The following SBF2 variants were observed in gnomAD, a reference collection of about 807,000 sequenced individuals.
SBF2 encodes the protein SET binding factor 2, also known as myotubularin-related protein 13.
Under a neutral mutation model 225.2 loss-of-function variants are expected in SBF2, and 112 were observed. The observed-to-expected ratio is 0.50, with a 90% CI of 0.43 to 0.58. The LOEUF (loss-of-function observed/expected upper bound fraction) is 0.58. Ranked by LOEUF, SBF2 falls within the 20% of genes least tolerant of loss-of-function variation. SBF2 has a pLI of 0.00. For synonymous variants in SBF2, 763 were observed against 773.3 expected (o/e 0.99, Z 0.22); for missense variants, 1,996 against 2,206.2 (o/e 0.90, Z 1.91).
chr11:9,952,914 C>T (rs898938454), intron 16 of SBF2, among the ~76,000 whole-genome samples: 1 of 152,092 alleles, frequency 6.6e-6, no homozygotes, highest in Non-Finnish European at 1.5e-5. Flanking sequence ...GAACAGGGAA[C>T]ACTTCTACAC....
chr11:10,188,577 C>A (rs16907564), intron 2 of SBF2, among the ~76,000 whole-genome samples: 14,473 of 152,118 alleles, frequency 0.095, 943 homozygotes, highest in East Asian at 0.29. Context: ...GATGCACTGA[C>A]AAAATAAGCA....
At chr11:9,927,940 T>C (rs1051350115) in intron 16 of SBF2, among the ~76,000 whole-genome samples, 1 of 152,184 alleles carries the variant, frequency 6.6e-6, no homozygotes. Context: ...TCCCATACCT[T>C]ATACCAAATT....
intron 3 of SBF2, among the ~76,000 whole-genome samples, chr11:10,039,900 A>C (rs1331290125): frequency 1.3e-5 from 2 of 151,958 alleles, no homozygotes; most frequent in Non-Finnish European, 2.9e-5. Flanking sequence ...CATTAAAATA[A>C]TAAAAACCAT....
intron 16 of SBF2, among the ~76,000 whole-genome samples, chr11:9,922,464 T>C (rs538562463): frequency 3.9e-5 from 6 of 152,334 alleles, no homozygotes; most frequent in African/African-American, 1.4e-4. Context: ...TTTACACATA[T>C]CTGCAATAAA....
chr11:9,857,082 C>T (rs530013770), intron 18 of SBF2, among the ~76,000 whole-genome samples: 4 of 152,270 alleles, frequency 2.6e-5, no homozygotes, highest in East Asian at 3.9e-4. Flanking sequence ...CAACCGCGCC[C>T]GGCCTAACAT....
chr11:9,789,998 GA>G (rs1425204403), intron 34 of SBF2, among the ~76,000 whole-genome samples: 2 of 152,342 alleles, frequency 1.3e-5, no homozygotes, highest in Non-Finnish European at 2.9e-5. Flanking sequence ...AGGGTTCTAT[GA>G]TTGGGGCCCA....
At chr11:10,165,253 T>C (rs1202609312) in intron 2 of SBF2, 1 of 152,254 alleles carries the variant, frequency 6.6e-6, no homozygotes, top group Non-Finnish European at 1.5e-5. Flanking sequence ...TCCAAAGCGC[T>C]AAGGTGATGT....
At chr11:9,931,045 TG>T (rs1218604084) in intron 16 of SBF2, among the ~76,000 whole-genome samples, 2 of 152,198 alleles carry the variant, frequency 1.3e-5, no homozygotes, top group Non-Finnish European at 2.9e-5. Context: ...GCAGCCTGGC[TG>T]GGGGAGGGGC....
intron 1 of SBF2, among the ~76,000 whole-genome samples, chr11:10,210,261 T>C (rs536437930): frequency 1.3e-5 from 2 of 151,646 alleles, no homozygotes; most frequent in African/African-American, 2.4e-5. Flanking sequence ...TGAGCCAAGA[T>C]TGCTCCACTG....
chr11:10,137,110 C>CTGTTTTGTTGGATTTA (rs1954401953), intron 2 of SBF2, among the ~76,000 whole-genome samples: 1 of 152,138 alleles, frequency 6.6e-6, no homozygotes, highest in Non-Finnish European at 1.5e-5. Context: ...GCATATAAGT[C>CTGTTTTGTTGGATTTA]CTGTATGTGT....
At chr11:9,988,532 T>A (rs578166428) in intron 13 of SBF2, among the ~76,000 whole-genome samples, 113 of 152,136 alleles carry the variant, frequency 7.4e-4, no homozygotes, top group African/African-American at 2.6e-3. Flanking sequence ...CTATCCAGAA[T>A]CTACAACAAA....
chr11:10,270,816 AC>A (rs1962413578), intron 1 of SBF2, among the ~76,000 whole-genome samples: 1 of 151,838 alleles, frequency 6.6e-6, no homozygotes, highest in African/African-American at 2.4e-5. Flanking sequence ...ACACGCTGAA[AC>A]CCCGTCTCTA....
chr11:9,783,694 A>G (rs776511505), intron 38 of SBF2, among the ~76,000 whole-genome samples: 1 of 152,188 alleles, frequency 6.6e-6, no homozygotes, highest in Non-Finnish European at 1.5e-5. Flanking sequence ...TAGTCAAAAG[A>G]TTTCTTGACA....
At chr11:9,902,252 C>T (rs138785499) in intron 16 of SBF2, among the ~76,000 whole-genome samples, 1 of 152,312 alleles carries the variant, frequency 6.6e-6, no homozygotes, top group Non-Finnish European at 1.5e-5. Context: ...GCTTCATCTA[C>T]ATAATAAGGG....
chr11:10,132,695 A>C (rs1954122784), intron 2 of SBF2, among the ~76,000 whole-genome samples: 1 of 148,604 alleles, frequency 6.7e-6, no homozygotes, highest in Non-Finnish European at 1.5e-5. Context: ...GAACGAAAGA[A>C]CAAAGCTTCC....
At chr11:10,299,311 C>G (rs1964575029) in intron 1 of SBF2, among the ~76,000 whole-genome samples, 1 of 129,888 alleles carries the variant, frequency 7.7e-6, no homozygotes. Context: ...GCACTCCAGC[C>G]TGGGCAACAG....
At chr11:9,913,312 G>C (rs564922016) in intron 16 of SBF2, among the ~76,000 whole-genome samples, 6 of 152,160 alleles carry the variant, frequency 3.9e-5, no homozygotes, top group South Asian at 2.1e-4. Flanking sequence ...GAATGTCCAA[G>C]AGACATGAAA....
chr11:9,858,423 C>T lies in SBF2; in HGVS notation c.1930-27G>A, dbSNP rs755649113. ...TGTGAGAACACACAAAATACATCATCATGGGGCTGGCAGAATTATAACAGT... is the reference window on the plus strand; with the variant it reads ...TGTGAGAACACACAAAATACATCATTATGGGGCTGGCAGAATTATAACAGT... On this transcript the variant is annotated intron_variant, in intron 17 of 39. Coordinates refer to ENST00000256190, the MANE Select transcript of SBF2 (RefSeq NM_030962.4). 13 of 1,612,920 alleles carry T rather than the reference C, an allele frequency of 8.1e-6. No homozygotes were observed. In the Admixed American group the frequency reaches 1.5e-4, roughly 19 times the overall value.
rs1964614696 is a variant in SBF2, at chr11:10,303,263, A to C, written n.386+1229T>G. 2 of 151,928 alleles carry C rather than the reference A, an allele frequency of 1.3e-5. No homozygotes were observed. Among genetic ancestry groups the C allele is most frequent in the South Asian group, 2.1e-4 (1 of 4,814 alleles). 9.4% of individuals were successfully genotyped at this position (151,928 alleles called of 1,614,324 possible). On this transcript the variant is annotated intron_variant and non_coding_transcript_variant, in intron 1 of 5. Transcript: ENST00000685217. The surrounding 1 kb of genome is among the most constrained non-coding windows in gnomAD (Gnocchi z 5.2). ...GATCCAGACCAGTGCGCCGCGCTGCACTCCTCTAACCCTCCGCGTCCCAAC... is the reference window on the plus strand; with the variant it reads ...GATCCAGACCAGTGCGCCGCGCTGCCCTCCTCTAACCCTCCGCGTCCCAAC...
Sources: gnomAD v4.1 joint callset for allele counts (sites outside exome capture counted in the v4.1 genomes callset) on GRCh38, gnomAD v4.1.1 for gene constraint, Gnocchi (gnomAD v3.1) non-coding constraint, MANE v1.5 for transcripts, NCBI Gene and HGNC (gene_info 2026-07-23, HGNC 2026-07-21) for gene names.